FBXL18: variants seen among roughly 807,000 people sequenced by gnomAD.
The protein encoded by FBXL18 is F-box and leucine rich repeat protein 18, also known as F-box/LRR-repeat protein 18.
In FBXL18, 36 loss-of-function variants were observed where a neutral mutation model predicts 46.0. The observed-to-expected ratio is 0.78, with a 90% CI of 0.60 to 1.03. The LOEUF (loss-of-function observed/expected upper bound fraction) is 1.03. Ranked by LOEUF, FBXL18 falls within the 50% of genes least tolerant of loss-of-function variation. The pLI, the probability that FBXL18 is intolerant of heterozygous loss-of-function variation, is 0.00. For synonymous variants in FBXL18, 557 were observed against 465.3 expected (o/e 1.20, Z -2.54); for missense variants, 977 against 1,004.1 (o/e 0.97, Z 0.36).
At position 5,476,393 on chromosome 7, in the gene FBXL18, G is replaced by A. The variant is rs1211102814; in HGVS notation, c.*5382C>T. The stretch of plus-strand genomic sequence containing the variant: ...ACCAACCCTCATTCCCAGGTCCACT[G>A]ATCTGGGGTAGGAGTAGCCAAGTGT... On this transcript the variant is annotated 3_prime_UTR_variant, in exon 5 of 5. Transcript: ENST00000382368. 1 of 152,200 alleles carries A rather than the reference G, an allele frequency of 6.6e-6. No individual in the cohort carries two copies. Among genetic ancestry groups the A allele is most frequent in the Non-Finnish European group, 1.5e-5 (1 of 68,052 alleles). 9.4% of individuals were successfully genotyped at this position (152,200 alleles called of 1,614,324 possible).
chr7:5,500,909 C>G lies in FBXL18; in HGVS notation c.1360G>C (p.Val454Leu), dbSNP rs774271690. 2.5e-6 allele frequency: 4 copies of G among 1,572,976 alleles called. No homozygotes were observed. The South Asian group carries it at 4.6e-5, about 18-fold the overall frequency. Residue 454 changes from valine to leucine, a missense_variant, in exon 3 of 5, where the codon GTG (valine) becomes CTG (leucine). Transcript: ENST00000382368. ...VPRGFGKKVR[V>L]GVQSCPSPFS... ...GGGCTGGGACAGGACTGCACGCCCA[C>G]ACGCACTTTCTTGCCAAAGCCGCGC... is the stretch of plus-strand genomic sequence containing the variant.
intron 3 of FBXL18, among the ~76,000 whole-genome samples, chr7:5,497,859 A>G (rs1379573031): frequency 6.6e-6 from 1 of 152,076 alleles, no homozygotes; most frequent in East Asian, 1.9e-4. Flanking sequence ...CACAAGGTGA[A>G]TGCTAACTAT....
rs139548285 is a variant in FBXL18 at position 5,464,461 on chromosome 7, C to A, written c.2001-16618G>T. Among the ~76,000 whole-genome samples, 342 of 151,866 alleles carry A rather than the reference C, an allele frequency of 2.3e-3. 2 individuals are homozygous for A. Among genetic ancestry groups the A allele is most frequent in the Middle Eastern group, 0.01 (3 of 294 alleles). On this transcript the variant is annotated intron_variant and NMD_transcript_variant, in intron 4 of 6. Coordinates refer to the FBXL18 transcript ENST00000415009. Reference sequence around the variant, plus strand: ...CGCCACTGGACTCCAGCCCAGGAGACAGAGCAAGACTCCATCTCGAAAATA... The same window carrying A: ...CGCCACTGGACTCCAGCCCAGGAGAAAGAGCAAGACTCCATCTCGAAAATA...
intron 4 of FBXL18, among the ~76,000 whole-genome samples, chr7:5,462,950 CA>C (rs138208570): frequency 0.038 from 843 of 22,386 alleles, 48 homozygotes; most frequent in Non-Finnish European, 0.053. Flanking sequence ...GACTTGGTCT[CA>C]AAAAAAAAAA....
At chr7:5,495,928 A>G (rs1488602009) in intron 3 of FBXL18, 1 of 471,990 alleles carries the variant, frequency 2.1e-6, no homozygotes, top group South Asian at 1.5e-5. Context: ...GTTTGTCCAC[A>G]GAGATGGCAT....
At chr7:5,505,028 T>TG (rs1784359679) in intron 2 of FBXL18, among the ~76,000 whole-genome samples, 1 of 147,294 alleles carries the variant, frequency 6.8e-6, no homozygotes. Flanking sequence ...TGCACCCTGC[T>TG]GGGGGGTGCA....
intron 3 of FBXL18, among the ~76,000 whole-genome samples, chr7:5,497,965 A>G (rs1784126640): frequency 6.6e-6 from 1 of 151,842 alleles, no homozygotes; most frequent in South Asian, 2.1e-4. Context: ...TCACAGAGAC[A>G]CCAGCTCACT....
At position 5,500,717 on chromosome 7, in the gene FBXL18, T is replaced by C; in HGVS notation, c.1552A>G (p.Ser518Gly). ...GCGGCCACCTCCGAGTCCCCGACAC[T>C]CTGTGCGCGGCTGCAGGGTGGGAGC... ...NSLPPCSRAQ[S>G]VGDSEVAAIG... The change falls in exon 3 of 5, where the codon AGT becomes GGT. Residue 518 changes from serine to glycine, a missense_variant. Coordinates refer to ENST00000382368, the MANE Select transcript of FBXL18 (RefSeq NM_024963.6). 1 of 1,611,842 alleles carries C rather than the reference T, an allele frequency of 6.2e-7. No individual in the cohort carries two copies. The highest frequency in any genetic ancestry group is 8.5e-7 in the Non-Finnish European group (1 of 1,179,414).
At chr7:5,492,585 G>A (rs544252123) in intron 3 of FBXL18, among the ~76,000 whole-genome samples, 68 of 152,202 alleles carry the variant, frequency 4.5e-4, no homozygotes, top group African/African-American at 1.5e-3. Flanking sequence ...CTTGGGACCT[G>A]AGGGTGTGGC....
At chr7:5,470,393 G>A (rs1344634947) in intron 4 of FBXL18, among the ~76,000 whole-genome samples, 3 of 152,104 alleles carry the variant, frequency 2.0e-5, no homozygotes, top group Admixed American at 6.5e-5. Flanking sequence ...GGCCCGGGCA[G>A]CTGCCCCAGC....
chr7:5,481,484 C>T lies in FBXL18; in HGVS notation c.*291G>A. 5.7e-6 allele frequency: 2 copies of T among 351,900 alleles called. No homozygotes were observed. The highest frequency in any genetic ancestry group is 9.0e-5 in the Admixed American group (2 of 22,186). 21.8% of individuals were successfully genotyped at this position (351,900 alleles called of 1,614,324 possible). Reference sequence around the variant, plus strand: ...CCCCCAGGGATTGCGGCTCAGTATACAAACCCCCCAGCCAGGCCCCAAGGG... The same window carrying T: ...CCCCCAGGGATTGCGGCTCAGTATATAAACCCCCCAGCCAGGCCCCAAGGG... On this transcript the variant is annotated 3_prime_UTR_variant, in exon 5 of 5. Coordinates refer to ENST00000382368, the MANE Select transcript of FBXL18 (RefSeq NM_024963.6).
chr7:5,513,336 C>T (rs1300102326), intron 1 of FBXL18, among the ~76,000 whole-genome samples: 1 of 151,648 alleles, frequency 6.6e-6, no homozygotes, highest in East Asian at 1.9e-4. Context: ...AGGGGCCCAG[C>T]CAAGGAACCG....
Position 5,496,983 on chromosome 7 carries a change from A to T in FBXL18, c.1781+3505T>A, listed in dbSNP as rs2128236675. ...GAGGCAGAGGTTGCAGTGAGCTGAG[A>T]TCATGCCATTGTACTCAAGCCTGGG... On this transcript the variant is annotated intron_variant, in intron 3 of 4. Coordinates refer to ENST00000382368, the MANE Select transcript of FBXL18 (RefSeq NM_024963.6). The surrounding 1 kb of genome is among the most constrained non-coding windows in gnomAD (Gnocchi z 4.8). Among the ~76,000 whole-genome samples, 2 of 147,372 alleles carry T rather than the reference A, an allele frequency of 1.4e-5. No individual in the cohort carries two copies. The highest frequency in any genetic ancestry group is 4.3e-4 in the South Asian group (2 of 4,648).
chr7:5,510,786 C>T (rs1174704935), intron 1 of FBXL18, among the ~76,000 whole-genome samples: 3 of 152,120 alleles, frequency 2.0e-5, no homozygotes, highest in Non-Finnish European at 4.4e-5. Flanking sequence ...CCTCCCTTCC[C>T]TCCACCACCA....
intron 3 of FBXL18, among the ~76,000 whole-genome samples, chr7:5,498,603 C>T (rs1562698424): frequency 2.6e-5 from 4 of 152,008 alleles, no homozygotes; most frequent in African/African-American, 9.7e-5. Flanking sequence ...GAGAGTCTCA[C>T]TCTGTCACCC....
chr7:5,501,749 G>A lies in FBXL18; in HGVS notation c.520C>T (p.Arg174Trp), dbSNP rs1784268070. 6 of 1,560,718 alleles carry A rather than the reference G, an allele frequency of 3.8e-6. No homozygotes were observed. Among genetic ancestry groups the A allele is most frequent in the Non-Finnish European group, 5.2e-6 (6 of 1,151,952 alleles). The change falls in exon 3 of 5, where the codon CGG becomes TGG. Residue 174 changes from arginine (R) to tryptophan (W), a missense_variant. By Grantham distance (101) the Arg-to-Trp change is moderately radical. Coordinates refer to ENST00000382368, the MANE Select transcript of FBXL18 (RefSeq NM_024963.6). The part of the protein sequence containing the change: ...SECKATLSRV[R>W]ELKQTLFTPS... Reference sequence around the variant, plus strand: ...GTGAACAGCGTCTGCTTGAGCTCCCGCACGCGGCTCAGGGTGGCCTTGCAC... The same window carrying A: ...GTGAACAGCGTCTGCTTGAGCTCCCACACGCGGCTCAGGGTGGCCTTGCAC...
At chr7:5,473,215 G>C (rs1783456881), downstream of FBXL18, among the ~76,000 whole-genome samples, 2 of 152,140 alleles carry the variant, frequency 1.3e-5, no homozygotes, top group Admixed American at 1.3e-4. Flanking sequence ...ATTTCTGCCA[G>C]AGAAACACCA....
Position 5,455,645 on chromosome 7 carries a change from C to T in FBXL18, c.2001-7802G>A, listed in dbSNP as rs1783161947. On this transcript the variant is annotated intron_variant and NMD_transcript_variant, in intron 4 of 6. Coordinates refer to the FBXL18 transcript ENST00000415009. This position sits in a 1 kb window ranked among gnomAD's most constrained non-coding sequence, Gnocchi z 4.6. ...TGAGAAGATCCTCCGGGATTGCTGACCATCCACTTCCCCGCAGGGGGGCTC... is the reference window on the plus strand; with the variant it reads ...TGAGAAGATCCTCCGGGATTGCTGATCATCCACTTCCCCGCAGGGGGGCTC... Among the ~76,000 whole-genome samples, 1 of 152,094 alleles carries T rather than the reference C, an allele frequency of 6.6e-6. No individual in the cohort carries two copies. The highest frequency in any genetic ancestry group is 1.5e-5 in the Non-Finnish European group (1 of 68,010).
rs33941092 is a variant in FBXL18 at position 5,500,613 on chromosome 7, A to G, written c.1656T>C (p.Asn552=). Residue 552 remains asparagine (N), a synonymous_variant, in exon 3 of 5, where the codon AAT becomes AAC. Coordinates refer to ENST00000382368, the MANE Select transcript of FBXL18 (RefSeq NM_024963.6). ...PSVLTGSGLV[N]IGLQCQQLRS... ...GCAACTGCTGGCACTGCAGGCCGAT[A>G]TTGACCAGCCCGGAGCCCGTAAGGA... 8.1e-6 allele frequency: 13 copies of G among 1,613,252 alleles called. No homozygotes were observed. The highest frequency in any genetic ancestry group is 1.1e-5 in the Non-Finnish European group (13 of 1,179,846).
Sources: gnomAD v4.1 joint callset for allele counts (sites outside exome capture counted in the v4.1 genomes callset) on GRCh38, gnomAD v4.1.1 for gene constraint, Gnocchi (gnomAD v3.1) non-coding constraint, MANE v1.5 for transcripts, NCBI Gene and HGNC (gene_info 2026-07-23, HGNC 2026-07-21) for gene names.